NRG3: variants seen among roughly 807,000 people sequenced by gnomAD.
The protein encoded by NRG3 is neuregulin 3, also known as pro-neuregulin-3, membrane-bound isoform.
NRG3 carries 31 observed loss-of-function variants against 66.9 expected under a neutral mutation model. The ratio of observed to expected loss-of-function variants is 0.46; its 90% CI spans 0.35 to 0.63. The LOEUF (loss-of-function observed/expected upper bound fraction) is 0.63, where lower values mean the gene tolerates loss of function less well. Ranked by LOEUF, NRG3 falls within the 20% of genes least tolerant of loss-of-function variation. The pLI is 0.00. For synonymous variants in NRG3, 393 were observed against 359.4 expected, an observed-to-expected ratio of 1.09 and a Z score of -1.06; for missense variants, 910 against 878.9, an observed-to-expected ratio of 1.04 and a Z score of -0.45.
intron 2 of NRG3, among the ~76,000 whole-genome samples, chr10:82,668,106 C>T (rs2052947032): frequency 6.6e-6 from 1 of 152,152 alleles, no homozygotes; most frequent in Non-Finnish European, 1.5e-5. Context: ...TTCTTCTCCT[C>T]TTCCCTCTTC....
At chr10:82,849,872 G>A (rs1324914767) in intron 3 of NRG3, among the ~76,000 whole-genome samples, 1 of 152,126 alleles carries the variant, frequency 6.6e-6, no homozygotes. Context: ...TTCTATTCCA[G>A]AGATGCCATG....
chr10:82,658,565 A>G (rs898648536), intron 2 of NRG3, among the ~76,000 whole-genome samples: 55 of 151,170 alleles, frequency 3.6e-4, no homozygotes, highest in African/African-American at 1.4e-3. Flanking sequence ...AAGCCAGAAA[A>G]AAAAAAGAGT....
chr10:82,905,706 T>G (rs1004550499), intron 4 of NRG3, among the ~76,000 whole-genome samples: 1 of 152,172 alleles, frequency 6.6e-6, no homozygotes, highest in African/African-American at 2.4e-5. Flanking sequence ...GACCTCCCAT[T>G]TCTTTCTTCC....
intron 1 of NRG3, among the ~76,000 whole-genome samples, chr10:82,113,025 A>C (rs1442618534): frequency 6.6e-6 from 1 of 152,194 alleles, no homozygotes; most frequent in Admixed American, 6.5e-5. Flanking sequence ...TTTCTGAAAC[A>C]AATCATTTCT....
At chr10:82,781,545 C>T (rs2060118394) in intron 3 of NRG3, among the ~76,000 whole-genome samples, 1 of 152,094 alleles carries the variant, frequency 6.6e-6, no homozygotes, top group African/African-American at 2.4e-5. Flanking sequence ...CACTAGTCTG[C>T]TTTTTCTGAT....
chr10:82,832,572 CA>C (rs1200080014), intron 3 of NRG3, among the ~76,000 whole-genome samples: 1 of 151,970 alleles, frequency 6.6e-6, no homozygotes, highest in Non-Finnish European at 1.5e-5. Flanking sequence ...GAAATGTGGT[CA>C]AAGATTTATA....
At chr10:81,965,951 C>G (rs576286934) in intron 1 of NRG3, among the ~76,000 whole-genome samples, 3 of 151,892 alleles carry the variant, frequency 2.0e-5, no homozygotes, top group African/African-American at 7.2e-5. Flanking sequence ...TGGGGAAATC[C>G]TTGTATTGTT....
chr10:82,623,024 A>T (rs536400895), intron 2 of NRG3, among the ~76,000 whole-genome samples: 1 of 150,422 alleles, frequency 6.6e-6, no homozygotes, highest in Admixed American at 6.6e-5. Flanking sequence ...CATTTGTATT[A>T]TTTTTCTAGC....
At chr10:82,292,164 G>A (rs894530631) in intron 1 of NRG3, among the ~76,000 whole-genome samples, 1 of 152,080 alleles carries the variant, frequency 6.6e-6, no homozygotes, top group African/African-American at 2.4e-5. Context: ...CAAACACATT[G>A]AGAGACATTT....
At chr10:82,583,978 G>T (rs1254904260) in intron 2 of NRG3, among the ~76,000 whole-genome samples, 1 of 152,004 alleles carries the variant, frequency 6.6e-6, no homozygotes, top group Non-Finnish European at 1.5e-5. Context: ...ATAAAATAAG[G>T]ATTAAAACTG....
intron 2 of NRG3, among the ~76,000 whole-genome samples, chr10:82,586,801 A>G (rs1255606642): frequency 6.6e-6 from 1 of 152,182 alleles, no homozygotes; most frequent in East Asian, 1.9e-4. Flanking sequence ...CATCATTCAA[A>G]TGCTCAGGCT....
chr10:81,965,651 T>C (rs901590448), intron 1 of NRG3, among the ~76,000 whole-genome samples: 1 of 152,290 alleles, frequency 6.6e-6, no homozygotes, highest in East Asian at 1.9e-4. Context: ...TCCTCAGATA[T>C]TTTACAATTT....
chr10:82,711,420 G>T (rs58323704), intron 2 of NRG3, among the ~76,000 whole-genome samples: 2,855 of 151,956 alleles, frequency 0.019, 91 homozygotes, highest in African/African-American at 0.065. Flanking sequence ...TTTCTGATTT[G>T]TGTGTTATTC....
chr10:82,651,600 A>C (rs1264413373), intron 2 of NRG3, among the ~76,000 whole-genome samples: 1 of 152,250 alleles, frequency 6.6e-6, no homozygotes, highest in East Asian at 1.9e-4. Flanking sequence ...GCCTTTAGCC[A>C]GCAGTCGTGA....
At chr10:82,435,967 G>A (rs558490902) in intron 2 of NRG3, among the ~76,000 whole-genome samples, 14 of 151,892 alleles carry the variant, frequency 9.2e-5, no homozygotes, top group African/African-American at 2.4e-4. Flanking sequence ...TTATGTGGTC[G>A]ATTTTAGAAT....
At chr10:82,656,797 C>T (rs2051898616) in intron 2 of NRG3, among the ~76,000 whole-genome samples, 1 of 152,068 alleles carries the variant, frequency 6.6e-6, no homozygotes, top group Non-Finnish European at 1.5e-5. Flanking sequence ...TCACATCATG[C>T]CTCATATATC....
At chr10:82,156,355 T>A (rs1340543797) in intron 1 of NRG3, among the ~76,000 whole-genome samples, 1 of 151,578 alleles carries the variant, frequency 6.6e-6, no homozygotes, top group Middle Eastern at 3.2e-3. Context: ...CTGGAAGGTA[T>A]GTCCATGTAA....
At chr10:82,438,773 G>A (rs2090283884) in intron 2 of NRG3, among the ~76,000 whole-genome samples, 1 of 152,116 alleles carries the variant, frequency 6.6e-6, no homozygotes, top group South Asian at 2.1e-4. Flanking sequence ...GCTGGGGGGA[G>A]GGGGTTCTTC....
chr10:82,610,108 C>G (rs2048215500), intron 2 of NRG3, among the ~76,000 whole-genome samples: 1 of 152,206 alleles, frequency 6.6e-6, no homozygotes, highest in Admixed American at 6.5e-5. Flanking sequence ...TCTCTCACCC[C>G]ATCGAGGGCC....
Sources: allele counts gnomAD v4.1 joint callset (sites outside exome capture counted in the v4.1 genomes callset), GRCh38; gene constraint gnomAD v4.1.1; transcripts MANE v1.5; gene names NCBI Gene and HGNC (gene_info 2026-07-23, HGNC 2026-07-21).